TRIM34: variants seen among roughly 807,000 people sequenced by gnomAD.
TRIM34 encodes E3 ubiquitin-protein ligase TRIM34.
Under a neutral mutation model 38.1 loss-of-function variants are expected in TRIM34, and 41 were observed. That is an observed-to-expected ratio of 1.08 (90% CI 0.84 to 1.40). TRIM34 has a LOEUF of 1.40. Ranked by LOEUF, TRIM34 falls within the 40% of genes most tolerant of loss-of-function variation. The pLI, the probability that TRIM34 is intolerant of heterozygous loss-of-function variation, is 0.00. For synonymous variants in TRIM34, 200 were observed against 202.5 expected (o/e 0.99, Z 0.10); for missense variants, 556 against 571.4 (o/e 0.97, Z 0.27).
rs574462705 is a variant in TRIM34, at chr11:5,633,202, C to T, written c.423+448C>T. 4.4e-4 allele frequency among the ~76,000 whole-genome samples: 63 copies of T among 143,478 alleles called. No individual in the cohort carries two copies. The East Asian group carries it at 5.1e-3, about 12-fold the overall frequency. The allele number at this position is 143,478 out of a possible 152,430, so 94.1% of individuals were successfully genotyped here. ...AGCTTTTTAATCACCTGGGTGCAGG[C>T]GGACTGAGTCTGAAAAAGGAGTCAG... On this transcript the variant is annotated intron_variant, in intron 2 of 7. Transcript: ENST00000429814.
chr11:5,634,754 A>T lies in TRIM34; in HGVS notation c.643A>T (p.Lys215Ter), dbSNP rs991942139. Residue 215 changes from lysine to a stop codon, truncating the protein, a stop_gained, in exon 4 of 8, where the codon AAG becomes TAG. Transcript: ENST00000429814. LOFTEE classifies it high-confidence loss of function. ...LEEEEKKTLD[K>*]FAEAEDELVQ... Reference sequence around the variant, plus strand: ...AGAAGAAGAAAAGAAGACGCTGGATAAGTTTGCAGAGGCTGAGGATGAGCT... The same window carrying T: ...AGAAGAAGAAAAGAAGACGCTGGATTAGTTTGCAGAGGCTGAGGATGAGCT... 1 of 1,613,988 alleles carries T rather than the reference A, an allele frequency of 6.2e-7. No homozygotes were observed. Among genetic ancestry groups the T allele is most frequent in the African/African-American group, 1.3e-5 (1 of 74,900 alleles).
chr11:5,621,782 C>G (rs10400261), upstream of TRIM34, among the ~76,000 whole-genome samples: 46,706 of 151,966 alleles, frequency 0.31, 7,810 homozygotes, highest in East Asian at 0.62. Context: ...TAATCAGAAA[C>G]TCAAAAGAAT....
chr11:5,635,746 C>T (rs1351646081), intron 4 of TRIM34, among the ~76,000 whole-genome samples: 1 of 152,138 alleles, frequency 6.6e-6, no homozygotes, highest in Non-Finnish European at 1.5e-5. Context: ...GTCTCTGGTG[C>T]TTATATCCCA....
intron 4 of TRIM34, among the ~76,000 whole-genome samples, chr11:5,639,504 C>T (rs1327467494): frequency 6.6e-6 from 1 of 151,570 alleles, no homozygotes; most frequent in Non-Finnish European, 1.5e-5. Context: ...CACAGTGAAA[C>T]CCCGTCTCTA....
Position 5,632,524 on chromosome 11 carries a change from T to A in TRIM34, c.193T>A (p.Phe65Ile), listed in dbSNP as rs777050084. ...TCCTGTGTGTGGTATCAGTTACTCA[T>A]TTGAACATCTACAGGCTAATCAGCA... Reference protein sequence around the residue: ...SCPVCGISYSFEHLQANQHLA... With the variant: ...SCPVCGISYSIEHLQANQHLA... The change falls in exon 2 of 8, where the codon TTT becomes ATT. Residue 65 changes from phenylalanine (F) to isoleucine (I), a missense_variant. Physicochemically the swap from Phe to Ile is conservative, Grantham distance 21 (BLOSUM62 0). Coordinates refer to ENST00000429814, the MANE Select transcript of TRIM34 (RefSeq NM_021616.6). 3 of 1,613,926 alleles carry A rather than the reference T, an allele frequency of 1.9e-6. No homozygotes were observed. The highest frequency in any genetic ancestry group is 2.5e-6 in the Non-Finnish European group (3 of 1,180,004).
intron 4 of TRIM34, among the ~76,000 whole-genome samples, chr11:5,639,243 A>G (rs1849878046): frequency 6.6e-6 from 1 of 152,172 alleles, no homozygotes; most frequent in South Asian, 2.1e-4. Context: ...CATCAAAATT[A>G]TAGTAAAGGG....
intron 4 of TRIM34, 112 bp downstream of exon 4, chr11:5,634,973 T>A: frequency 9.0e-7 from 1 of 1,113,404 alleles, no homozygotes. Flanking sequence ...CAGTGCCGCC[T>A]TGTCGTCCAT....
upstream of TRIM34, among the ~76,000 whole-genome samples, chr11:5,622,520 G>A (rs1295134123): frequency 2.0e-5 from 3 of 151,780 alleles, no homozygotes; most frequent in Non-Finnish European, 4.4e-5. Flanking sequence ...TACTCAGGAG[G>A]CTGAGGTAGG....
At chr11:5,627,310 G>A (rs1382469785) in intron 1 of TRIM34, among the ~76,000 whole-genome samples, 4 of 152,044 alleles carry the variant, frequency 2.6e-5, no homozygotes, top group African/African-American at 9.7e-5. Flanking sequence ...AACCCAGCAA[G>A]CAGAGGTTGC....
At chr11:5,641,896 C>T (rs1850029342) in intron 5 of TRIM34, among the ~76,000 whole-genome samples, 1 of 152,130 alleles carries the variant, frequency 6.6e-6, no homozygotes, top group South Asian at 2.1e-4. Context: ...AATCTGAAAT[C>T]TCAAATATGC....
At chr11:5,620,984 AT>A (rs1848973665), upstream of TRIM34, among the ~76,000 whole-genome samples, 1 of 152,156 alleles carries the variant, frequency 6.6e-6, no homozygotes, top group Admixed American at 6.5e-5. Context: ...TTACTAGAAT[AT>A]TTTTAGTCCC....
At chr11:5,641,973 G>A (rs561051121) in intron 5 of TRIM34, among the ~76,000 whole-genome samples, 16 of 152,174 alleles carry the variant, frequency 1.1e-4, no homozygotes, top group Non-Finnish European at 1.3e-4. Flanking sequence ...ACAGAGCCCC[G>A]TATCACAGTC....
At chr11:5,622,306 G>A (rs990191561), upstream of TRIM34, among the ~76,000 whole-genome samples, 8 of 152,064 alleles carry the variant, frequency 5.3e-5, no homozygotes, top group East Asian at 1.9e-4. Flanking sequence ...TTAGCCGGGC[G>A]TTGTGGCAGG....
chr11:5,642,872 G>C, intron 7 of TRIM34, 29 bp downstream of exon 7: 11 of 1,613,298 alleles, frequency 6.8e-6, no homozygotes, highest in Non-Finnish European at 9.3e-6. Context: ...TTAAATAACT[G>C]TTTTCCAATT....
At chr11:5,637,277 G>T (rs1348558484) in intron 4 of TRIM34, among the ~76,000 whole-genome samples, 3 of 152,162 alleles carry the variant, frequency 2.0e-5, no homozygotes, top group South Asian at 4.1e-4. Context: ...TCTCATGATG[G>T]CGATCGGGAT....
At chr11:5,623,582 A>G (rs1263424569), upstream of TRIM34, among the ~76,000 whole-genome samples, 4 of 140,930 alleles carry the variant, frequency 2.8e-5, no homozygotes, top group African/African-American at 2.7e-5. Flanking sequence ...GGGTTTCACC[A>G]TGTTAGCCAG....
intron 1 of TRIM34, among the ~76,000 whole-genome samples, chr11:5,628,999 G>A (rs1009085414): frequency 6.6e-6 from 1 of 152,104 alleles, no homozygotes; most frequent in Admixed American, 6.5e-5. Flanking sequence ...GGTCAAGGCC[G>A]GGTGCAGTGG....
rs7109861 is a variant in TRIM34, at chr11:5,643,744, T to C, written c.*35T>C. 1,453,716 of 1,535,976 alleles carry C rather than the reference T, an allele frequency of 0.95. 690,676 individuals carry two copies. Among genetic ancestry groups the C allele is most frequent in the East Asian group, 1 (44,345 of 44,388 alleles). On this transcript the variant is annotated 3_prime_UTR_variant, in exon 8 of 8. Transcript: ENST00000429814. Reference sequence around the variant, plus strand: ...TTTCTTCACCTACAACCCTTTGTCTTGACTTATCTCCTGCAACTGACTCAT... The same window carrying C: ...TTTCTTCACCTACAACCCTTTGTCTCGACTTATCTCCTGCAACTGACTCAT...
At position 5,632,504 on chromosome 11, in the gene TRIM34, T is replaced by G; in HGVS notation, c.173T>G (p.Val58Gly). 1 of 1,614,042 alleles carries G rather than the reference T, an allele frequency of 6.2e-7. No individual in the cohort carries two copies. Among genetic ancestry groups the G allele is most frequent in the Non-Finnish European group, 8.5e-7 (1 of 1,180,002 alleles). Reference protein sequence around the residue: ...TSMGGKSSCPVCGISYSFEHL... With the variant: ...TSMGGKSSCPGCGISYSFEHL... ...ATGGGAGGAAAAAGCAGCTGTCCTG[T>G]GTGTGGTATCAGTTACTCATTTGAA... is the stretch of plus-strand genomic sequence containing the variant. The change falls in exon 2 of 8, where the codon GTG becomes GGG. Residue 58 changes from valine to glycine, a missense_variant. By Grantham distance (109) the Val-to-Gly change is moderately radical. Transcript: ENST00000429814.
Sources: gnomAD v4.1 joint callset for allele counts (sites outside exome capture counted in the v4.1 genomes callset) on GRCh38, gnomAD v4.1.1 for gene constraint, MANE v1.5 for transcripts, NCBI Gene and HGNC (gene_info 2026-07-23, HGNC 2026-07-21) for gene names.